AHRR: variants seen among roughly 807,000 people sequenced by gnomAD.
The protein encoded by AHRR is ahR repressor.
AHRR carries 28 observed loss-of-function variants against 44.0 expected under a neutral mutation model. The ratio of observed to expected loss-of-function variants is 0.64; its 90% confidence interval spans 0.47 to 0.87. AHRR has a LOEUF of 0.87. Ranked by LOEUF, AHRR falls within the 40% of genes least tolerant of loss-of-function variation. The pLI is 0.00. For missense variants in AHRR, 990 were observed against 953.9 expected, an observed-to-expected ratio of 1.04 and a Z score of -0.50; for synonymous variants, 434 against 407.0, an observed-to-expected ratio of 1.07 and a Z score of -0.80.
chr5:326,818 G>A lies in AHRR; in HGVS notation c.-11+4999G>A, dbSNP rs1286508364. ...TCACGCCTGTAATCCCTGCACTTTG[G>A]GAGGCTGAGGCAGGCGGATCACTTG... On this transcript the variant is annotated intron_variant, in intron 1 of 10. Transcript: ENST00000684583. This position sits in a 1 kb window ranked among gnomAD's most constrained non-coding sequence, Gnocchi z 4.1. 6.6e-6 allele frequency among the ~76,000 whole-genome samples: 1 copy of A among 152,156 alleles called. No individual in the cohort carries two copies. Among genetic ancestry groups the A allele is most frequent in the Non-Finnish European group, 1.5e-5 (1 of 68,030 alleles).
chr5:433,973 T>C lies in AHRR; in HGVS notation c.1233T>C (p.Gly411=), dbSNP rs1736862375. The change falls in exon 11 of 11, where the codon GGT becomes GGC. Residue 411 remains glycine (G), a synonymous_variant. Coordinates refer to ENST00000684583, the MANE Select transcript of AHRR (RefSeq NM_001377236.1). ...PWTAGKHSED[G]ARPRLQPSKN... ...CAGCGGGAAAGCACAGTGAGGATGG[T>C]GCCAGGCCGAGGCTGCAGCCCAGCA... 1.9e-6 allele frequency: 3 copies of C among 1,567,112 alleles called. No individual in the cohort carries two copies. The highest frequency in any genetic ancestry group is 2.6e-6 in the Non-Finnish European group (3 of 1,156,608).
intron 3 of AHRR, among the ~76,000 whole-genome samples, chr5:354,131 C>T (rs1343205466): frequency 1.3e-5 from 2 of 152,236 alleles, no homozygotes; most frequent in East Asian, 3.8e-4. Context: ...CCTAGCTGTC[C>T]TCGACACTCT....
intron 3 of AHRR, among the ~76,000 whole-genome samples, chr5:373,856 G>T (rs533857743): frequency 4.0e-5 from 6 of 150,930 alleles, no homozygotes; most frequent in Non-Finnish European, 7.4e-5. Context: ...GCGGGCGGGG[G>T]CGGGAGCGCT....
rs930514914 is a variant in AHRR, at chr5:419,716, G to A, written c.442-3013G>A. On this transcript the variant is annotated intron_variant, in intron 5 of 10. Transcript: ENST00000684583. The surrounding 1 kb of genome is among the most constrained non-coding windows in gnomAD (Gnocchi z 4.4). The stretch of plus-strand genomic sequence containing the variant: ...GGGACCAACAGGCCGGCCCATAAGA[G>A]CTGATGGGGTTGGTATTTCTGTTTG... 3.3e-5 allele frequency among the ~76,000 whole-genome samples: 5 copies of A among 152,114 alleles called. No homozygotes were observed. The highest frequency in any genetic ancestry group is 1.2e-4 in the African/African-American group (5 of 41,402).
rs534779381 is a variant in AHRR, at chr5:388,566, C to T, written c.351+11850C>T. On this transcript the variant is annotated intron_variant, in intron 4 of 10. Coordinates refer to ENST00000684583, the MANE Select transcript of AHRR (RefSeq NM_001377236.1). This position sits in a 1 kb window ranked among gnomAD's most constrained non-coding sequence, Gnocchi z 5.2. ...GGTCTCTTCCAAACCAGGGCGTCTGCGGTGGCCCTGAGCCGAGGCTGCTTC... is the reference window on the plus strand; with the variant it reads ...GGTCTCTTCCAAACCAGGGCGTCTGTGGTGGCCCTGAGCCGAGGCTGCTTC... Among the ~76,000 whole-genome samples the T allele has an allele frequency of 4.2e-4, 64 of 152,288 alleles. 1 individual carries two copies. The South Asian group carries it at 8.5e-3, about 20-fold the overall frequency.
At chr5:373,999 A>G (rs1486812552) in intron 3 of AHRR, among the ~76,000 whole-genome samples, 7 of 151,156 alleles carry the variant, frequency 4.6e-5, no homozygotes, top group Non-Finnish European at 8.9e-5. Flanking sequence ...CGCCGCACCT[A>G]CGCGCTTCTC....
intron 4 of AHRR, among the ~76,000 whole-genome samples, chr5:410,857 A>C (rs951521157): frequency 3.3e-5 from 5 of 152,148 alleles, no homozygotes; most frequent in Admixed American, 1.3e-4. Flanking sequence ...AGTTCTTCTT[A>C]TATCACTTTT....
chr5:342,229 A>C lies in AHRR; in HGVS notation c.-10-1664A>C, dbSNP rs938171107. Among the ~76,000 whole-genome samples the C allele has an allele frequency of 6.6e-6, 1 of 152,154 alleles. No homozygotes were observed. Among genetic ancestry groups the C allele is most frequent in the Non-Finnish European group, 1.5e-5 (1 of 68,026 alleles). ...TGTCGTTTGGATATTCTGTATCCTT[A>C]CTGATTTTATTTACTTGTTCTATTG... On this transcript the variant is annotated intron_variant, in intron 1 of 10. Coordinates refer to ENST00000684583, the MANE Select transcript of AHRR (RefSeq NM_001377236.1). This position sits in a 1 kb window ranked among gnomAD's most constrained non-coding sequence, Gnocchi z 4.3.
chr5:330,597 T>C (rs1741874606), intron 1 of AHRR, among the ~76,000 whole-genome samples: 1 of 152,132 alleles, frequency 6.6e-6, no homozygotes. Flanking sequence ...TGGCCTCAAA[T>C]TCCTGGCCTC....
rs959750360 is a variant in AHRR, at chr5:342,862, C to T, written c.-10-1031C>T. Among the ~76,000 whole-genome samples, 4 of 152,236 alleles carry T rather than the reference C, an allele frequency of 2.6e-5. No homozygotes were observed. Among genetic ancestry groups the T allele is most frequent in the African/African-American group, 9.6e-5 (4 of 41,466 alleles). On this transcript the variant is annotated intron_variant, in intron 1 of 10. Coordinates refer to ENST00000684583, the MANE Select transcript of AHRR (RefSeq NM_001377236.1). This position sits in a 1 kb window ranked among gnomAD's most constrained non-coding sequence, Gnocchi z 4.3. Reference sequence around the variant, plus strand: ...CCTGGGCACAGATACTGGGCTGCTCCTCAGGGGCCCCGCTGGGAGGCACAT... The same window carrying T: ...CCTGGGCACAGATACTGGGCTGCTCTTCAGGGGCCCCGCTGGGAGGCACAT...
chr5:339,770 T>C (rs1488581445), intron 1 of AHRR, among the ~76,000 whole-genome samples: 1 of 152,234 alleles, frequency 6.6e-6, no homozygotes. Context: ...ATTTGGATTT[T>C]GTCAAATGCT....
In AHRR at chr5:338,640, A is replaced by G. The variant is rs543281711; in HGVS notation, c.-10-5253A>G. Among the ~76,000 whole-genome samples, 4 of 152,302 alleles carry G rather than the reference A, an allele frequency of 2.6e-5. No homozygotes were observed. Among genetic ancestry groups the G allele is most frequent in the African/African-American group, 7.2e-5 (3 of 41,568 alleles). On this transcript the variant is annotated intron_variant, in intron 1 of 10. Transcript: ENST00000684583. The surrounding 1 kb of genome is among the most constrained non-coding windows in gnomAD (Gnocchi z 4.1). ...GTGAATTGCTTGAACCCAGGAGTTC[A>G]AGGCCAGACTGGGCAACATGATGAA...
chr5:368,570 G>A (rs560731917), intron 3 of AHRR, among the ~76,000 whole-genome samples: 35 of 152,374 alleles, frequency 2.3e-4, no homozygotes, highest in African/African-American at 5.0e-4. Context: ...ATCATGAAGA[G>A]AATATGGATT....
At chr5:353,656 AG>A in intron 2 of AHRR, 73 bp from the exon 3 acceptor site, 1 of 1,431,132 alleles carries the variant, frequency 7.0e-7, no homozygotes, top group Non-Finnish European at 9.5e-7. Flanking sequence ...GTCACTGCAG[AG>A]GACGGTTTCC....
chr5:377,201 C>G (rs779525081), intron 4 of AHRR, among the ~76,000 whole-genome samples: 5 of 152,200 alleles, frequency 3.3e-5, no homozygotes, highest in Admixed American at 2.0e-4. Context: ...CCATCTCCCC[C>G]ATCCCTGCGA....
intron 1 of AHRR, among the ~76,000 whole-genome samples, chr5:333,367 A>T (rs1363147315): frequency 6.6e-6 from 1 of 152,194 alleles, no homozygotes; most frequent in African/African-American, 2.4e-5. Context: ...AGGCAGAGGC[A>T]GGTGGATCAC....
At chr5:403,263 A>G (rs1735098163) in intron 4 of AHRR, among the ~76,000 whole-genome samples, 1 of 152,064 alleles carries the variant, frequency 6.6e-6, no homozygotes, top group South Asian at 2.1e-4. Context: ...GAGGGTGGGA[A>G]TGTTCTGAAG....
At position 353,829 on chromosome 5, in the gene AHRR, G is replaced by T. The variant is rs773695025; in HGVS notation, c.162G>T (p.Pro54=). The T allele has an allele frequency of 1.9e-6, 3 of 1,613,864 alleles. No individual in the cohort carries two copies. Among genetic ancestry groups the T allele is most frequent in the Admixed American group, 3.3e-5 (2 of 59,986 alleles). ...LDHLASLLPF[P]PDIISKLDKL... The stretch of plus-strand genomic sequence containing the variant: ...ACCTGGCCAGCCTGCTGCCGTTCCC[G>T]CCTGACATCATCTCCAAGCTGGACA... Residue 54 remains proline (P), a synonymous_variant, in exon 3 of 11, where the codon CCG becomes CCT. Coordinates refer to ENST00000684583, the MANE Select transcript of AHRR (RefSeq NM_001377236.1).
intron 4 of AHRR, among the ~76,000 whole-genome samples, chr5:386,874 C>T (rs1055950324): frequency 6.6e-6 from 1 of 151,976 alleles, no homozygotes; most frequent in African/African-American, 2.4e-5. Context: ...CTGGAACTAA[C>T]CCAGACTTCA....
Sources: allele counts gnomAD v4.1 joint callset (sites outside exome capture counted in the v4.1 genomes callset), GRCh38; gene constraint gnomAD v4.1.1; non-coding constraint Gnocchi (gnomAD v3.1); transcripts MANE v1.5; gene names NCBI Gene and HGNC (gene_info 2026-07-23, HGNC 2026-07-21).